Variants in PDE11A observed in about 807,000 individuals in gnomAD.
PDE11A encodes dual 3',5'-cyclic-AMP and -GMP phosphodiesterase 11A.
PDE11A carries 100 observed loss-of-function variants against 100.5 expected under a neutral mutation model. The ratio of observed to expected loss-of-function variants is 1.00; its 90% confidence interval spans 0.85 to 1.18. The LOEUF is 1.18. Among genes scored for constraint, PDE11A ranks in the 50% most tolerant of loss-of-function variants. The probability of loss-of-function intolerance (pLI) is 0.00; values close to 1 mark genes in which losing one functional copy is unlikely to be tolerated. For missense variants in PDE11A, 1,141 were observed against 1,152.6 expected (o/e 0.99, Z 0.15); for synonymous variants, 381 against 420.8 (o/e 0.91, Z 1.16).
chr2:177,725,144 T>G (rs1009809626), intron 12 of PDE11A, among the ~76,000 whole-genome samples: 1 of 152,102 alleles, frequency 6.6e-6, no homozygotes, highest in Non-Finnish European at 1.5e-5. Flanking sequence ...GGGCATCATT[T>G]TACCATAGGC....
chr2:178,077,814 G>A (rs2087227009), intron 2 of PDE11A, among the ~76,000 whole-genome samples: 2 of 152,058 alleles, frequency 1.3e-5, no homozygotes, highest in African/African-American at 4.8e-5. Context: ...AGAGGAGAAG[G>A]TAGTATGAAG....
At chr2:177,979,770 C>T (rs2085857827) in intron 2 of PDE11A, among the ~76,000 whole-genome samples, 1 of 149,682 alleles carries the variant, frequency 6.7e-6, no homozygotes, top group African/African-American at 2.4e-5. Context: ...GCCACCACGC[C>T]CGGCTCATTT....
chr2:178,029,690 A>G (rs2086520956), intron 1 of PDE11A, among the ~76,000 whole-genome samples: 1 of 152,204 alleles, frequency 6.6e-6, no homozygotes. Flanking sequence ...ATATATATTG[A>G]AGACAATTGA....
intron 10 of PDE11A, among the ~76,000 whole-genome samples, chr2:177,751,973 C>T (rs973364953): frequency 1.3e-5 from 2 of 152,072 alleles, no homozygotes; most frequent in African/African-American, 2.4e-5. Flanking sequence ...TACAGTGGGA[C>T]GTGAGACAGA....
chr2:177,822,855 G>A (rs1212669699), intron 6 of PDE11A, among the ~76,000 whole-genome samples: 5 of 151,988 alleles, frequency 3.3e-5, no homozygotes, highest in African/African-American at 1.2e-4. Context: ...GTAAATAACA[G>A]TAGTATTTTA....
chr2:177,716,051 T>C (rs906801363), intron 12 of PDE11A, among the ~76,000 whole-genome samples: 3 of 152,224 alleles, frequency 2.0e-5, no homozygotes, highest in African/African-American at 7.2e-5. Flanking sequence ...TGTAAACACG[T>C]GTGTTGGCAT....
Position 177,997,976 on chromosome 2 carries a change from C to T in PDE11A, c.1071+16326G>A, listed in dbSNP as rs184425319. The T allele has an allele frequency of 1.6e-3, 1,927 of 1,198,356 alleles. 3 individuals are homozygous for T. The highest frequency in any genetic ancestry group is 1.9e-3 in the Non-Finnish European group (1,499 of 801,446). 74.2% of individuals were successfully genotyped at this position (1,198,356 alleles called of 1,614,324 possible). On this transcript the variant is annotated intron_variant, in intron 2 of 19. Transcript: ENST00000286063. ...GTCAAGATACCAAGGTTAGGGAGAA[C>T]CTGCTCACAGAAATATGTCACAGAC...
intron 2 of PDE11A, among the ~76,000 whole-genome samples, chr2:177,986,267 T>C (rs2085937856): frequency 6.6e-6 from 1 of 152,184 alleles, no homozygotes; most frequent in Non-Finnish European, 1.5e-5. Flanking sequence ...TTCTCAGCTT[T>C]GTCTTCTCTC....
chr2:177,788,463 A>G (rs1474979220), intron 9 of PDE11A, among the ~76,000 whole-genome samples: 2 of 151,732 alleles, frequency 1.3e-5, no homozygotes, highest in Non-Finnish European at 2.9e-5. Flanking sequence ...ACACCCTAAC[A>G]TCACAATTAA....
chr2:177,644,426 G>A (rs959642913), intron 19 of PDE11A, among the ~76,000 whole-genome samples: 1 of 152,198 alleles, frequency 6.6e-6, no homozygotes, highest in Non-Finnish European at 1.5e-5. Flanking sequence ...ACTTGCATGG[G>A]GCCTTTAGCC....
chr2:177,966,653 C>T (rs934687001), intron 2 of PDE11A, among the ~76,000 whole-genome samples: 5 of 152,064 alleles, frequency 3.3e-5, no homozygotes, highest in Admixed American at 6.6e-5. Context: ...TGATGAATCA[C>T]ATTTATTGAT....
intron 2 of PDE11A, among the ~76,000 whole-genome samples, chr2:177,948,019 A>G (rs1376223714): frequency 6.6e-6 from 1 of 151,750 alleles, no homozygotes; most frequent in Non-Finnish European, 1.5e-5. Flanking sequence ...GTAGGTAGGT[A>G]ATTGTATGTG....
At chr2:177,697,271 C>A in intron 15 of PDE11A, 61 bp downstream of exon 15, 1 of 839,942 alleles carries the variant, frequency 1.2e-6, no homozygotes, top group Non-Finnish European at 2.1e-6. Context: ...CAGTGTAGAC[C>A]TGGAGATTAG....
rs1471713267 is a variant in PDE11A at position 177,628,261 on chromosome 2, C to T, written c.*1146G>A. 4 of 152,682 alleles carry T rather than the reference C, an allele frequency of 2.6e-5. No homozygotes were observed. The East Asian group carries it at 7.7e-4, about 29-fold the overall frequency. The allele number at this position is 152,682 out of a possible 1,614,324, so 9.5% of individuals were successfully genotyped here. ...GCCAAAGCTAAGGATAGAAATCTAT[C>T]TTCTAGCCCAATGTTCTTTGGATAA... On this transcript the variant is annotated 3_prime_UTR_variant, in exon 20 of 20. Coordinates refer to ENST00000286063, the MANE Select transcript of PDE11A (RefSeq NM_016953.4).
At chr2:177,972,035 G>C (rs1397968095) in intron 2 of PDE11A, among the ~76,000 whole-genome samples, 1 of 152,164 alleles carries the variant, frequency 6.6e-6, no homozygotes, top group East Asian at 1.9e-4. Context: ...TCCTCACTTA[G>C]ATGAAAGTGA....
At chr2:177,682,098 C>T (rs957781475) in intron 15 of PDE11A, among the ~76,000 whole-genome samples, 2 of 152,146 alleles carry the variant, frequency 1.3e-5, no homozygotes, top group Non-Finnish European at 1.5e-5. Flanking sequence ...GAGGCTTCAT[C>T]TGCATAACAA....
At chr2:178,051,465 C>A (rs1174935005) in intron 1 of PDE11A, among the ~76,000 whole-genome samples, 1 of 152,114 alleles carries the variant, frequency 6.6e-6, no homozygotes, top group Non-Finnish European at 1.5e-5. Context: ...GCAAAATAAC[C>A]AGCTAACATC....
chr2:177,875,884 T>C lies in PDE11A; in HGVS notation c.1342A>G (p.Lys448Glu), dbSNP rs770808795. Reference protein sequence around the residue: ...FTKSFELMSPKCSADAENSFK... With the variant: ...FTKSFELMSPECSADAENSFK... ...CTGTTCTCAGCATCAGCACTGCACT[T>C]TGGGGACATCAATTCAAAGGATTTG... Residue 448 changes from lysine to glutamate, a missense_variant, in exon 5 of 20, where the codon AAG becomes GAG. Transcript: ENST00000286063. 103 of 1,612,208 alleles carry C rather than the reference T, an allele frequency of 6.4e-5. 1 individual carries two copies. Among genetic ancestry groups the C allele is most frequent in the South Asian group, 3.7e-4 (34 of 91,046 alleles).
chr2:177,662,357 C>G (rs933706531), intron 19 of PDE11A, among the ~76,000 whole-genome samples: 1 of 152,220 alleles, frequency 6.6e-6, no homozygotes, highest in Non-Finnish European at 1.5e-5. Context: ...TATCTTCATC[C>G]TCCTAAGCTT....
Sources: allele counts gnomAD v4.1 joint callset (sites outside exome capture counted in the v4.1 genomes callset), GRCh38; gene constraint gnomAD v4.1.1; transcripts MANE v1.5; gene names NCBI Gene and HGNC (gene_info 2026-07-23, HGNC 2026-07-21).